The following PPP2R2C variants were observed in gnomAD, a reference collection of about 807,000 sequenced individuals.
PPP2R2C encodes protein phosphatase 2 regulatory subunit Bgamma, also known as protein phosphatase 2, regulatory subunit B, gamma.
PPP2R2C carries 10 observed loss-of-function variants against 45.3 expected under a neutral mutation model. The ratio of observed to expected loss-of-function variants is 0.22; its 90% CI spans 0.14 to 0.37. The LOEUF (loss-of-function observed/expected upper bound fraction) is 0.37. PPP2R2C is among the 10% of genes least tolerant of loss of function. PPP2R2C has a pLI of 1.00. For synonymous variants in PPP2R2C, 257 were observed against 245.4 expected (o/e 1.05, Z -0.44); for missense variants, 308 against 619.7 (o/e 0.50, Z 5.34).
chr4:6,454,166 CA>C (rs1232091135), intron 1 of PPP2R2C, among the ~76,000 whole-genome samples: 1 of 152,144 alleles, frequency 6.6e-6, no homozygotes, highest in Non-Finnish European at 1.5e-5. Flanking sequence ...AGACAGAGCC[CA>C]GTGGGGGTCT....
At chr4:6,484,508 T>C (rs1223988458) in intron 2 of PPP2R2C, among the ~76,000 whole-genome samples, 3 of 144,488 alleles carry the variant, frequency 2.1e-5, no homozygotes, top group Admixed American at 6.7e-5. Flanking sequence ...AGTTTTTCAG[T>C]TTCTTAAAAA....
At position 6,550,355 on chromosome 4, in the gene PPP2R2C, AG is replaced by A. The variant is rs1364877025; in HGVS notation, c.-59+13204del. Among the ~76,000 whole-genome samples, 7 of 151,908 alleles carry A rather than the reference AG, an allele frequency of 4.6e-5. No homozygotes were observed. In the East Asian group the frequency reaches 1.4e-3, roughly 30 times the overall value. ...AGGCCAGCACATGAGACCCTTGCCA[AG>A]ACACCCCCACTACCCTCTGCAGCCT... On this transcript the variant is annotated intron_variant, in intron 1 of 9. Coordinates refer to the PPP2R2C transcript ENST00000506140.
At chr4:6,366,394 T>C (rs995070289) in intron 5 of PPP2R2C, among the ~76,000 whole-genome samples, 6 of 152,132 alleles carry the variant, frequency 3.9e-5, no homozygotes, top group Non-Finnish European at 1.5e-5. Context: ...TAAGACCACA[T>C]GGAAGTGGTG....
chr4:6,414,088 G>A (rs1718395996), intron 1 of PPP2R2C: 10 of 1,136,502 alleles, frequency 8.8e-6, no homozygotes, highest in Non-Finnish European at 1.1e-5. Flanking sequence ...GTGTGTGTGT[G>A]TGTGTGTGTG....
chr4:6,550,364 CA>C (rs1385796180), intron 1 of PPP2R2C, among the ~76,000 whole-genome samples: 1 of 152,136 alleles, frequency 6.6e-6, no homozygotes, highest in African/African-American at 2.4e-5. Flanking sequence ...AAGACACCCC[CA>C]CTACCCTCTG....
In PPP2R2C at chr4:6,447,737, A is replaced by G. The variant is rs146807311; in HGVS notation, c.70+24423T>C. Reference sequence around the variant, plus strand: ...AGGGACACAGCCTGGGGTCAAAGTCAGGGTCTACCTCGTAGGAACAGCGTG... The same window carrying G: ...AGGGACACAGCCTGGGGTCAAAGTCGGGGTCTACCTCGTAGGAACAGCGTG... On this transcript the variant is annotated intron_variant, in intron 1 of 8. Coordinates refer to ENST00000382599, the MANE Select transcript of PPP2R2C (RefSeq NM_020416.4). Among the ~76,000 whole-genome samples, 24 of 152,172 alleles carry G rather than the reference A, an allele frequency of 1.6e-4. No homozygotes were observed. In the East Asian group the frequency reaches 3.7e-3, roughly 23 times the overall value.
intron 6 of PPP2R2C, among the ~76,000 whole-genome samples, chr4:6,341,320 T>C (rs564569884): frequency 1.8e-4 from 21 of 118,956 alleles, no homozygotes; most frequent in Non-Finnish European, 3.1e-4. Context: ...GCCTGGGCAA[T>C]AGAATGAGAC....
At position 6,375,886 on chromosome 4, in the gene PPP2R2C, G is replaced by A; in HGVS notation, c.380C>T (p.Pro127Leu). 3.1e-6 allele frequency: 5 copies of A among 1,614,042 alleles called. No individual in the cohort carries two copies. Among genetic ancestry groups the A allele is most frequent in the Non-Finnish European group, 4.2e-6 (5 of 1,180,008 alleles). ...LWKITERDKR[P>L]EGYNLKDEEG... is the part of the protein sequence containing the mutation. ...TTCATCCTTCAGGTTGTATCCTTCG[G>A]GCCTTTTATCTCGTTCGGTAATCTT... is the stretch of plus-strand genomic sequence containing the variant. The change falls in exon 4 of 9, where the codon CCC becomes CTC. Residue 127 changes from proline to leucine, a missense_variant. Physicochemically the swap from Pro to Leu is moderately conservative, Grantham distance 98. Transcript: ENST00000382599.
At chr4:6,383,390 C>G in intron 1 of PPP2R2C, 1 of 1,289,842 alleles carries the variant, frequency 7.8e-7, no homozygotes, top group Non-Finnish European at 1.0e-6. Flanking sequence ...TTTAACTCAG[C>G]AAAAGGTACC....
In PPP2R2C at chr4:6,456,313, C is replaced by T. The variant is rs1425690944; in HGVS notation, c.70+15847G>A. ...TGAAATGAAGGATGTTATTTCCCCC[C>T]CCCCCCTTTATTCTACTGTCTACAC... On this transcript the variant is annotated intron_variant, in intron 1 of 8. Coordinates refer to ENST00000382599, the MANE Select transcript of PPP2R2C (RefSeq NM_020416.4). 6.1e-5 allele frequency among the ~76,000 whole-genome samples: 9 copies of T among 147,702 alleles called. No homozygotes were observed. The East Asian group carries it at 2.0e-3, about 33-fold the overall frequency.
chr4:6,336,177 G>A (rs1023325536), intron 6 of PPP2R2C, among the ~76,000 whole-genome samples: 27 of 152,024 alleles, frequency 1.8e-4, no homozygotes, highest in Admixed American at 1.6e-3. Flanking sequence ...GACAGTAGGC[G>A]CCTCCCTTTC....
chr4:6,556,907 C>T (rs551417850), intron 1 of PPP2R2C, among the ~76,000 whole-genome samples: 187 of 152,276 alleles, frequency 1.2e-3, no homozygotes, highest in African/African-American at 4.5e-3. Flanking sequence ...ACTTCTCTCT[C>T]CACCTGCCCT....
Position 6,332,919 on chromosome 4 carries a change from T to TAAC in PPP2R2C, c.960+640_960+642dup, listed in dbSNP as rs1457320157. 6.6e-6 allele frequency among the ~76,000 whole-genome samples: 1 copy of TAAC among 152,210 alleles called. No homozygotes were observed. The highest frequency in any genetic ancestry group is 1.5e-5 in the Non-Finnish European group (1 of 68,042). On this transcript the variant is annotated intron_variant, in intron 7 of 8. Transcript: ENST00000382599. This position sits in a 1 kb window ranked among gnomAD's most constrained non-coding sequence, Gnocchi z 4.9. ...AAGAAGCCTCCCTGATCTCCCCACCTAACTGGAACCAGCTTTGAAGCCATC... is the reference window on the plus strand; with the variant it reads ...AAGAAGCCTCCCTGATCTCCCCACCTAACAACTGGAACCAGCTTTGAAGCCATC...
At chr4:6,359,563 C>T (rs1713542404) in intron 5 of PPP2R2C, among the ~76,000 whole-genome samples, 1 of 150,754 alleles carries the variant, frequency 6.6e-6, no homozygotes, top group African/African-American at 2.4e-5. Flanking sequence ...TAGTTAAATA[C>T]ATTTTATTAT....
chr4:6,394,635 A>G (rs1193584746), intron 1 of PPP2R2C, among the ~76,000 whole-genome samples: 1 of 152,176 alleles, frequency 6.6e-6, no homozygotes, highest in East Asian at 1.9e-4. Flanking sequence ...TGCTGTTCCC[A>G]TCCCAGGATG....
rs146354420 is a variant in PPP2R2C at position 6,321,824 on chromosome 4, C to T, written c.*1478G>A. ...AACAGGAGCATCTACCATGGAAACA[C>T]CACCTTCTCTGTGGCCCTCATTGTC... On this transcript the variant is annotated 3_prime_UTR_variant, in exon 9 of 9. Transcript: ENST00000382599. The T allele has an allele frequency of 3.4e-4, 52 of 152,284 alleles. No homozygotes were observed. The highest frequency in any genetic ancestry group is 1.2e-3 in the African/African-American group (51 of 41,560). The allele number at this position is 152,284 out of a possible 1,614,324, so 9.4% of individuals were successfully genotyped here.
chr4:6,431,136 C>T (rs1487480143), intron 1 of PPP2R2C, among the ~76,000 whole-genome samples: 2 of 152,104 alleles, frequency 1.3e-5, no homozygotes, highest in Admixed American at 6.5e-5. Context: ...AGCAAGGGGA[C>T]GAGCCGCCTG....
In PPP2R2C at chr4:6,331,220, C is replaced by T. The variant is rs1346833985; in HGVS notation, c.961-1867G>A. Among the ~76,000 whole-genome samples the T allele has an allele frequency of 6.6e-6, 1 of 152,222 alleles. No individual in the cohort carries two copies. The highest frequency in any genetic ancestry group is 1.5e-5 in the Non-Finnish European group (1 of 68,048). ...TCTCTCTGCCGTGCACTAAGCATCTCCTGCCCTCTAGTGGCAGGGTGAGGA... is the reference window on the plus strand; with the variant it reads ...TCTCTCTGCCGTGCACTAAGCATCTTCTGCCCTCTAGTGGCAGGGTGAGGA... On this transcript the variant is annotated intron_variant, in intron 7 of 8. Transcript: ENST00000382599. This position sits in a 1 kb window ranked among gnomAD's most constrained non-coding sequence, Gnocchi z 5.9.
chr4:6,357,531 G>A (rs960844022), intron 5 of PPP2R2C, among the ~76,000 whole-genome samples: 20 of 152,334 alleles, frequency 1.3e-4, no homozygotes, highest in Middle Eastern at 6.8e-3. Context: ...AAAGCCCCAC[G>A]CACAGTGGAT....
Sources: gnomAD v4.1 joint callset for allele counts (sites outside exome capture counted in the v4.1 genomes callset) on GRCh38, gnomAD v4.1.1 for gene constraint, Gnocchi (gnomAD v3.1) non-coding constraint, MANE v1.5 for transcripts, NCBI Gene and HGNC (gene_info 2026-07-23, HGNC 2026-07-21) for gene names.